H3-3A: variants seen among roughly 807,000 people sequenced by gnomAD.
H3-3A encodes the protein histone H3.3.
For synonymous variants in H3-3A, 49 were observed against 61.4 expected (o/e 0.80, Z 0.95); for missense variants, 7 against 184.0 (o/e 0.04, Z 5.57).
rs531037618 is a variant in H3-3A at position 226,067,506 on chromosome 1, A to T, written c.282+1697A>T. 5.1e-4 allele frequency among the ~76,000 whole-genome samples: 78 copies of T among 152,322 alleles called. 2 individuals carry two copies. The South Asian group carries it at 0.016, about 31-fold the overall frequency. Reference sequence around the variant, plus strand: ...GTAATCCCAACACTTTGGGAGGCTGAGGTGGGTAGATCACCTGAGGTCAGG... The same window carrying T: ...GTAATCCCAACACTTTGGGAGGCTGTGGTGGGTAGATCACCTGAGGTCAGG... On this transcript the variant is annotated intron_variant, in intron 3 of 3. Transcript: ENST00000366815.
chr1:226,066,070 C>T (rs1323638023), intron 3 of H3-3A: 7 of 493,144 alleles, frequency 1.4e-5, no homozygotes, highest in Non-Finnish European at 2.6e-5. Context: ...AAACATTGCA[C>T]TAAAAACAAT....
At chr1:226,065,558 T>A (rs1391572131) in intron 2 of H3-3A, 98 bp from the exon 3 acceptor site, 2 of 834,858 alleles carry the variant, frequency 2.4e-6, no homozygotes, top group East Asian at 5.2e-5. Context: ...TTGGGTGGCT[T>A]ATTTTTTGAA....
chr1:226,070,251 G>A (rs1338084423), intron 3 of H3-3A, among the ~76,000 whole-genome samples: 1 of 152,118 alleles, frequency 6.6e-6, no homozygotes, highest in Non-Finnish European at 1.5e-5. Context: ...GGAGGCCGAG[G>A]CAGGAGGATC....
chr1:226,066,188 G>C (rs1056524719), intron 3 of H3-3A: 8 of 297,316 alleles, frequency 2.7e-5, no homozygotes, highest in Non-Finnish European at 5.0e-5. Context: ...ACAGTGCCTA[G>C]AATAAAAGAA....
chr1:226,064,127 A>G (rs1657840884), intron 1 of H3-3A: 1 of 436,188 alleles, frequency 2.3e-6, no homozygotes, highest in Non-Finnish European at 4.2e-6. Flanking sequence ...TGATACTGCT[A>G]ACAATTTTCT....
intron 3 of H3-3A, chr1:226,066,628 G>T (rs1225460169): frequency 6.6e-6 from 1 of 152,154 alleles, no homozygotes; most frequent in Non-Finnish European, 1.5e-5. Context: ...TTGTGTGGTT[G>T]GATTCTTTAG....
At chr1:226,071,280 T>A in intron 3 of H3-3A, 71 bp from the exon 4 acceptor site, 2 of 1,266,464 alleles carry the variant, frequency 1.6e-6, no homozygotes, top group South Asian at 2.5e-5. Flanking sequence ...CTTTTTGTTT[T>A]AATTCGTATA....
intron 2 of H3-3A, among the ~76,000 whole-genome samples, chr1:226,065,373 C>T (rs1466930921): frequency 1.3e-5 from 2 of 152,148 alleles, no homozygotes; most frequent in Non-Finnish European, 2.9e-5. Context: ...AATACCTTCC[C>T]AAGGTTTATA....
At chr1:226,066,863 C>G (rs1272912143) in intron 3 of H3-3A, 1 of 152,174 alleles carries the variant, frequency 6.6e-6, no homozygotes, top group Non-Finnish European at 1.5e-5. Context: ...TAGGTGGATT[C>G]CACCCTGAAG....
chr1:226,063,659 G>T (rs1273043698), intron 1 of H3-3A, among the ~76,000 whole-genome samples: 1 of 152,274 alleles, frequency 6.6e-6, no homozygotes, highest in South Asian at 2.1e-4. Context: ...GTGGTGCTTG[G>T]GGTGGACCGG....
chr1:226,062,458 G>A (rs1044459673), upstream of H3-3A, among the ~76,000 whole-genome samples: 2 of 150,630 alleles, frequency 1.3e-5, no homozygotes, highest in Non-Finnish European at 3.0e-5. Context: ...CAGTCTCGGC[G>A]GGAGCCGGCG....
In H3-3A at chr1:226,063,702, G is replaced by T. The variant is rs1458837882; in HGVS notation, c.-23-627G>T. On this transcript the variant is annotated intron_variant, in intron 1 of 3. Transcript: ENST00000366815. ...ATGTCGTGCGTTAATTAAAGCCTGG[G>T]TGCGGGGCACTTTTTATTTCACTGC... is the stretch of plus-strand genomic sequence containing the variant. Among the ~76,000 whole-genome samples, 3 of 152,140 alleles carry T rather than the reference G, an allele frequency of 2.0e-5. No individual in the cohort carries two copies. In the East Asian group the frequency reaches 5.8e-4, roughly 29 times the overall value.
chr1:226,066,832 T>A (rs1251634059), intron 3 of H3-3A: 1 of 152,278 alleles, frequency 6.6e-6, no homozygotes, highest in Non-Finnish European at 1.5e-5. Flanking sequence ...GGCTTTTGCT[T>A]TATGTATGAG....
At chr1:226,063,701 G>A (rs151119084) in intron 1 of H3-3A, among the ~76,000 whole-genome samples, 1 of 152,200 alleles carries the variant, frequency 6.6e-6, no homozygotes, top group East Asian at 1.9e-4. Context: ...TTAAAGCCTG[G>A]GTGCGGGGCA....
intron 1 of H3-3A, 199 bp from the exon 2 acceptor site, chr1:226,064,130 A>C: frequency 2.2e-6 from 1 of 445,000 alleles, no homozygotes; most frequent in African/African-American, 2.0e-5. Flanking sequence ...TACTGCTAAC[A>C]ATTTTCTAGT....
chr1:226,063,019 G>A (rs1425491715), intron 1 of H3-3A, among the ~76,000 whole-genome samples: 1 of 151,934 alleles, frequency 6.6e-6, no homozygotes, highest in Non-Finnish European at 1.5e-5. Flanking sequence ...CAGCCCAACA[G>A]CAGCAACCGC....
upstream of H3-3A, among the ~76,000 whole-genome samples, chr1:226,062,296 G>T (rs1657734003): frequency 6.7e-6 from 1 of 149,900 alleles, no homozygotes; most frequent in African/African-American, 2.4e-5. Context: ...CCCGCAGGCC[G>T]GGCGTTCACC....
chr1:226,066,490 C>T (rs1657929158), intron 3 of H3-3A: 1 of 152,092 alleles, frequency 6.6e-6, no homozygotes, highest in Admixed American at 6.6e-5. Flanking sequence ...AAATACTGTT[C>T]TAGAGATATT....
intron 3 of H3-3A, among the ~76,000 whole-genome samples, chr1:226,070,886 C>T (rs1658097060): frequency 6.6e-6 from 1 of 152,152 alleles, no homozygotes. Flanking sequence ...TGATAAAAAC[C>T]ACTTGTTCAC....
Sources: allele counts gnomAD v4.1 joint callset (sites outside exome capture counted in the v4.1 genomes callset), GRCh38; gene constraint gnomAD v4.1.1; transcripts MANE v1.5; gene names NCBI Gene and HGNC (gene_info 2026-07-23, HGNC 2026-07-21).